RAD1: variants seen among roughly 807,000 people sequenced by gnomAD.
RAD1 encodes RAD1 checkpoint DNA exonuclease.
Under a neutral mutation model 30.0 loss-of-function variants are expected in RAD1, and 21 were observed. That is an observed-to-expected ratio of 0.70 (90% CI 0.50 to 1.01). The LOEUF (loss-of-function observed/expected upper bound fraction) is 1.01, where lower values mean the gene tolerates loss of function less well. RAD1 is among the 50% of genes least tolerant of loss of function. The pLI is 0.00. For missense variants in RAD1, 329 were observed against 329.0 expected, an observed-to-expected ratio of 1.00 and a Z score of 0.00; for synonymous variants, 109 against 113.6, an observed-to-expected ratio of 0.96 and a Z score of 0.26.
rs146725390 is a variant in RAD1, at chr5:34,912,728, G to A, written c.307+742C>T. On this transcript the variant is annotated intron_variant, in intron 3 of 5. Transcript: ENST00000382038. ...AGAAAATCATTCGGCAACCGGTTGCGGTGGCTTATGCCTGTAATCCCAGAA... is the reference window on the plus strand; with the variant it reads ...AGAAAATCATTCGGCAACCGGTTGCAGTGGCTTATGCCTGTAATCCCAGAA... Among the ~76,000 whole-genome samples the A allele has an allele frequency of 6.4e-4, 97 of 152,112 alleles. 1 individual carries two copies. Among genetic ancestry groups the A allele is most frequent in the African/African-American group, 2.3e-3 (95 of 41,514 alleles).
intron 2 of RAD1, chr5:34,914,422 C>T: frequency 2.3e-6 from 1 of 432,568 alleles, no homozygotes; most frequent in Non-Finnish European, 4.2e-6. Flanking sequence ...GTAGCCTAGC[C>T]AATAGCCTAG....
chr5:34,909,474 C>T (rs1763762249), intron 4 of RAD1, 118 bp from the exon 5 acceptor site: 2 of 643,960 alleles, frequency 3.1e-6, no homozygotes, highest in Admixed American at 2.7e-5. Context: ...GACATGTACA[C>T]AAATGCTTAT....
intron 4 of RAD1, among the ~76,000 whole-genome samples, chr5:34,909,624 G>A (rs1317709198): frequency 6.6e-6 from 1 of 152,140 alleles, no homozygotes; most frequent in African/African-American, 2.4e-5. Context: ...CTCTGAAAAT[G>A]ACTTTTCCTC....
intron 3 of RAD1, among the ~76,000 whole-genome samples, chr5:34,912,380 G>A (rs1372508085): frequency 6.6e-6 from 1 of 152,144 alleles, no homozygotes; most frequent in Admixed American, 6.5e-5. Context: ...AGGGAAGGAG[G>A]AATATGACAG....
chr5:34,910,231 C>A (rs544440327), intron 4 of RAD1, among the ~76,000 whole-genome samples: 191 of 152,242 alleles, frequency 1.3e-3, no homozygotes, highest in Non-Finnish European at 2.5e-3. Context: ...ATGAAAGATA[C>A]CATGGTCCAT....
chr5:34,915,172 T>C (rs1764012884), intron 1 of RAD1, among the ~76,000 whole-genome samples: 1 of 151,986 alleles, frequency 6.6e-6, no homozygotes, highest in Non-Finnish European at 1.5e-5. Context: ...CGTGAAAAGT[T>C]GTGAAGAATG....
Position 34,909,313 on chromosome 5 carries a change from G to A in RAD1, c.610C>T (p.Pro204Ser). 1 of 1,611,176 alleles carries A rather than the reference G, an allele frequency of 6.2e-7. No homozygotes were observed. The highest frequency in any genetic ancestry group is 1.3e-5 in the African/African-American group (1 of 74,964). ...GCTTCCATCAAATCAGAATCTTTGG[G>A]ATAGTCAAGGTGGGAACTTCCTGCA... is the stretch of plus-strand genomic sequence containing the variant. Reference protein sequence around the residue: ...GNAGSSHLDYPKDSDLMEAFH... With the variant: ...GNAGSSHLDYSKDSDLMEAFH... The change falls in exon 5 of 6, where the codon CCC becomes TCC. Residue 204 changes from proline to serine, a missense_variant. Pro to Ser is a moderately conservative substitution (Grantham distance 74, BLOSUM62 -1). Transcript: ENST00000382038.
In RAD1 at chr5:34,908,787, T is replaced by A. The variant is rs762817406; in HGVS notation, c.827A>T (p.Glu276Val). The A allele has an allele frequency of 1.6e-5, 26 of 1,603,544 alleles. No homozygotes were observed. Among genetic ancestry groups the A allele is most frequent in the Non-Finnish European group, 2.2e-5 (26 of 1,177,104 alleles). The change falls in exon 6 of 6, where the codon GAA becomes GTA. Residue 276 changes from glutamate to valine, a missense_variant. Transcript: ENST00000382038. ...FVEYYCCPDE[E>V]VPESES is the part of the protein sequence containing the mutation. Reference sequence around the variant, plus strand: ...TACTCAAGACTCAGATTCAGGAACTTCTTCATCAGGGCAGCAGTAATATTC... The same window carrying A: ...TACTCAAGACTCAGATTCAGGAACTACTTCATCAGGGCAGCAGTAATATTC...
chr5:34,907,511 G>C lies in RAD1; in HGVS notation c.*1254C>G, dbSNP rs1580504852. The stretch of plus-strand genomic sequence containing the variant: ...TGTAATTTTTTCTACTAGACAGGAA[G>C]ATAATTTTTGCATTTTATTAAATAT... On this transcript the variant is annotated 3_prime_UTR_variant, in exon 6 of 6. Coordinates refer to ENST00000382038, the MANE Select transcript of RAD1 (RefSeq NM_002853.4). 1 of 152,172 alleles carries C rather than the reference G, an allele frequency of 6.6e-6. No homozygotes were observed. The allele number at this position is 152,172 out of a possible 1,614,324, so 9.4% of individuals were successfully genotyped here.
Position 34,915,455 on chromosome 5 carries a change from C to T in RAD1, c.-109G>A. ...CTGGACGCCCGAGAGCCCTTCTCAG[C>T]AAAGTCCCTGAAGAGGAGCGAGGCG... is the stretch of plus-strand genomic sequence containing the variant. On this transcript the variant is annotated 5_prime_UTR_variant, in exon 1 of 6. Coordinates refer to ENST00000382038, the MANE Select transcript of RAD1 (RefSeq NM_002853.4). 1 of 353,670 alleles carries T rather than the reference C, an allele frequency of 2.8e-6. No individual in the cohort carries two copies. The highest frequency in any genetic ancestry group is 2.1e-5 in the African/African-American group (1 of 47,524). 21.9% of individuals were successfully genotyped at this position (353,670 alleles called of 1,614,324 possible).
chr5:34,913,009 C>A (rs1763899948), intron 3 of RAD1, among the ~76,000 whole-genome samples: 2 of 151,976 alleles, frequency 1.3e-5, no homozygotes, highest in Admixed American at 1.3e-4. Flanking sequence ...CTCAAAAACA[C>A]CACAAAATCA....
At chr5:34,915,096 A>G (rs2069469) in intron 1 of RAD1, 135 bp from the exon 2 acceptor site, 39,906 of 581,516 alleles carry the variant, frequency 0.069, 1,710 homozygotes, top group South Asian at 0.12. Flanking sequence ...TCACTTAACT[A>G]TCTTTGTAAT....
rs1472509990 is a variant in RAD1, at chr5:34,907,471, G to A, written c.*1294C>T. ...ACCTGGTACAGTAACAAAGACAGAA[G>A]CTTCACTTTACTCATGTAATTTTTT... is the stretch of plus-strand genomic sequence containing the variant. On this transcript the variant is annotated 3_prime_UTR_variant, in exon 6 of 6. Coordinates refer to ENST00000382038, the MANE Select transcript of RAD1 (RefSeq NM_002853.4). The A allele has an allele frequency of 3.9e-5, 6 of 152,074 alleles. No individual in the cohort carries two copies. Among genetic ancestry groups the A allele is most frequent in the Non-Finnish European group, 7.4e-5 (5 of 68,014 alleles). The allele number at this position is 152,074 out of a possible 1,614,324, so 9.4% of individuals were successfully genotyped here. A position where few individuals can be genotyped will look rare whatever the true frequency, so the allele number is the denominator to read the frequency against.
Position 34,915,083 on chromosome 5 carries a change from A to G in RAD1, c.-69-122T>C, listed in dbSNP as rs926612014. On this transcript the variant is annotated intron_variant, in intron 1 of 5. Coordinates refer to ENST00000382038, the MANE Select transcript of RAD1 (RefSeq NM_002853.4). ...CGGCTGACCAGGCCGAACCCCACCT[A>G]TGTCACTTAACTATCTTTGTAATTC... 9 of 598,418 alleles carry G rather than the reference A, an allele frequency of 1.5e-5. No individual in the cohort carries two copies. The African/African-American group carries it at 1.7e-4, about 11-fold the overall frequency. 37.1% of individuals were successfully genotyped at this position (598,418 alleles called of 1,614,324 possible).
In RAD1 at chr5:34,914,851, C is replaced by A. The variant is rs752078830; in HGVS notation, c.42G>T (p.Gln14His). 1 of 1,614,152 alleles carries A rather than the reference C, an allele frequency of 6.2e-7. No individual in the cohort carries two copies. Among genetic ancestry groups the A allele is most frequent in the Middle Eastern group, 1.6e-4 (1 of 6,062 alleles). Reference sequence around the variant, plus strand: ...TGTCAAGGCTGGCCACAAGGCTGTACTGATCATCCTCGTCTTGGATCTGTT... The same window carrying A: ...TGTCAAGGCTGGCCACAAGGCTGTAATGATCATCCTCGTCTTGGATCTGTT... Reference protein sequence around the residue: ...LTQQIQDEDDQYSLVASLDNV... With the variant: ...LTQQIQDEDDHYSLVASLDNV... The change falls in exon 2 of 6, where the codon CAG (glutamine) becomes CAT (histidine). Residue 14 changes from glutamine to histidine, a missense_variant. By Grantham distance (24) the Gln-to-His change is conservative (BLOSUM62 0). Transcript: ENST00000382038.
Position 34,914,685 on chromosome 5 carries a change from AC to A in RAD1, c.198+9del. The A allele has an allele frequency of 6.2e-7, 1 of 1,614,024 alleles. No individual in the cohort carries two copies. Among genetic ancestry groups the A allele is most frequent in the African/African-American group, 1.3e-5 (1 of 75,060 alleles). ...CTATGGCACAGGCTTAAAGGCGCCT[AC>A]TTCCATACCTGAATAAAAGCATTTG... On this transcript the variant is annotated intron_variant, in intron 2 of 5. Coordinates refer to ENST00000382038, the MANE Select transcript of RAD1 (RefSeq NM_002853.4).
rs1763977694 is a variant in RAD1 at position 34,914,599 on chromosome 5, G to A, written c.198+96C>T. The A allele has an allele frequency of 1.3e-5, 14 of 1,112,880 alleles. No individual in the cohort carries two copies. The South Asian group carries it at 1.6e-4, about 13-fold the overall frequency. The allele number at this position is 1,112,880 out of a possible 1,614,324, so 68.9% of individuals were successfully genotyped here. A position where few individuals can be genotyped will look rare whatever the true frequency, so the allele number is the denominator to read the frequency against. On this transcript the variant is annotated intron_variant, in intron 2 of 5. Coordinates refer to ENST00000382038, the MANE Select transcript of RAD1 (RefSeq NM_002853.4). ...ATTATGACTATTGACAAGTTATTAT[G>A]ACTATTAAGTTATTTTGTCTACTGA...
intron 3 of RAD1, 152 bp from the exon 4 acceptor site, chr5:34,911,964 C>T: frequency 1.1e-6 from 1 of 913,132 alleles, no homozygotes; most frequent in South Asian, 1.7e-5. Context: ...GACATCTTCC[C>T]TGATGACAGT....
At position 34,911,804 on chromosome 5, in the gene RAD1, T is replaced by A. The variant is rs1213919623; in HGVS notation, c.316A>T (p.Thr106Ser). ...CCTTGGTAACACATTCGAAGTGCAG[T>A]TAAAGTCCCTGCAATGGAAAGAAGT... ...FGSSPMPGTL[T>S]ALRMCYQGYG... is the part of the protein sequence containing the mutation. Residue 106 changes from threonine (T) to serine (S), a missense_variant, in exon 4 of 6, where the codon ACT (threonine) becomes TCT (serine). Thr to Ser is a moderately conservative substitution (Grantham distance 58, BLOSUM62 1). Transcript: ENST00000382038. The A allele has an allele frequency of 1.9e-6, 3 of 1,614,076 alleles. No individual in the cohort carries two copies. The highest frequency in any genetic ancestry group is 8.5e-7 in the Non-Finnish European group (1 of 1,179,976).
Sources: gnomAD v4.1 joint callset for allele counts (sites outside exome capture counted in the v4.1 genomes callset) on GRCh38, gnomAD v4.1.1 for gene constraint, MANE v1.5 for transcripts, NCBI Gene and HGNC (gene_info 2026-07-23, HGNC 2026-07-21) for gene names.